NRXN3: variants seen among roughly 807,000 people sequenced by gnomAD.
NRXN3 encodes neurexin 3, also known as neurexin III.
A neutral mutation model predicts 137.6 loss-of-function variants in NRXN3; 32 were observed. The observed-to-expected ratio is 0.23, with a 90% confidence interval of 0.18 to 0.31. The LOEUF (loss-of-function observed/expected upper bound fraction) is 0.31, where lower values mean the gene tolerates loss of function less well. NRXN3 is among the 10% of genes least tolerant of loss of function. The pLI is 1.00. For synonymous variants in NRXN3, 798 were observed against 784.5 expected, an observed-to-expected ratio of 1.02 and a Z score of -0.29; for missense variants, 1,574 against 2,062.5, an observed-to-expected ratio of 0.76 and a Z score of 4.59.
chr14:79,149,243 G>A (rs375287153), intron 15 of NRXN3, among the ~76,000 whole-genome samples: 121 of 152,042 alleles, frequency 8.0e-4, no homozygotes, highest in Non-Finnish European at 1.5e-3. Flanking sequence ...AGATCTTCAC[G>A]TTGAAACCCA....
chr14:79,856,119 T>C (rs2099401952), intron 20 of NRXN3, among the ~76,000 whole-genome samples: 1 of 151,860 alleles, frequency 6.6e-6, no homozygotes, highest in African/African-American at 2.4e-5. Context: ...TTTGCTGGGG[T>C]GGAAGGGTGG....
chr14:78,536,356 C>T (rs914783276), intron 4 of NRXN3, among the ~76,000 whole-genome samples: 4 of 152,196 alleles, frequency 2.6e-5, no homozygotes, highest in African/African-American at 7.2e-5. Context: ...ATCCCCGCAT[C>T]ACGTTCCTAA....
chr14:79,541,934 G>A lies in NRXN3; in HGVS notation c.3444+74532G>A, dbSNP rs181612768. On this transcript the variant is annotated intron_variant, in intron 16 of 20. Coordinates refer to ENST00000335750, the MANE Select transcript of NRXN3 (RefSeq NM_001330195.2). ...AGAAAGCCTAGTTCACTTTAGATTA[G>A]ATGCTGTCAGAAAGCAGAGGCAATT... 5.9e-5 allele frequency among the ~76,000 whole-genome samples: 9 copies of A among 152,302 alleles called. No individual in the cohort carries two copies. In the South Asian group the frequency reaches 1.7e-3, roughly 28 times the overall value.
chr14:79,467,835 G>A (rs908214496), intron 16 of NRXN3, among the ~76,000 whole-genome samples: 6 of 152,210 alleles, frequency 3.9e-5, no homozygotes, highest in African/African-American at 1.2e-4. Flanking sequence ...TTGCAGGTCA[G>A]ATAGTCTCTC....
intron 16 of NRXN3, among the ~76,000 whole-genome samples, chr14:79,580,042 A>C (rs568095371): frequency 6.6e-5 from 10 of 152,310 alleles, no homozygotes; most frequent in Admixed American, 5.9e-4. Flanking sequence ...AGAACGTGTG[A>C]AATGTGTCAT....
chr14:79,669,227 A>G (rs2098592165), intron 17 of NRXN3: 1 of 152,162 alleles, frequency 6.6e-6, no homozygotes, highest in South Asian at 2.1e-4. Context: ...AGAGGGAATA[A>G]GAAGTATAAA....
intron 17 of NRXN3, among the ~76,000 whole-genome samples, chr14:79,665,321 G>T (rs2098552843): frequency 6.6e-6 from 1 of 152,132 alleles, no homozygotes; most frequent in African/African-American, 2.4e-5. Flanking sequence ...CTCAGCCATT[G>T]CTAGGGGTCT....
intron 8 of NRXN3, among the ~76,000 whole-genome samples, chr14:78,724,693 C>T (rs1162027517): frequency 6.6e-6 from 1 of 152,172 alleles, no homozygotes; most frequent in East Asian, 1.9e-4. Flanking sequence ...GCCGTTATAG[C>T]AAAGCCATTT....
At chr14:78,779,356 G>A (rs2098760213) in intron 8 of NRXN3, among the ~76,000 whole-genome samples, 1 of 152,042 alleles carries the variant, frequency 6.6e-6, no homozygotes, top group Non-Finnish European at 1.5e-5. Context: ...TTAGATTGGA[G>A]TAGGACATTT....
chr14:79,499,525 A>C (rs1327471405), intron 16 of NRXN3, among the ~76,000 whole-genome samples: 1 of 152,172 alleles, frequency 6.6e-6, no homozygotes, highest in Non-Finnish European at 1.5e-5. Context: ...TTACATGTTT[A>C]ATATCTGCCT....
intron 4 of NRXN3, among the ~76,000 whole-genome samples, chr14:78,574,821 G>A (rs1294513146): frequency 6.6e-6 from 1 of 152,224 alleles, no homozygotes; most frequent in Non-Finnish European, 1.5e-5. Context: ...TTTTTGAAAT[G>A]TGAGGATTAA....
chr14:79,571,069 T>C (rs1244166778), intron 16 of NRXN3, among the ~76,000 whole-genome samples: 1 of 152,200 alleles, frequency 6.6e-6, no homozygotes, highest in Non-Finnish European at 1.5e-5. Context: ...ATTCAGTCTA[T>C]GACAATCCTC....
At chr14:78,564,146 G>T (rs1249448846) in intron 4 of NRXN3, among the ~76,000 whole-genome samples, 1 of 152,158 alleles carries the variant, frequency 6.6e-6, no homozygotes, top group Non-Finnish European at 1.5e-5. Context: ...CTAGTGAATA[G>T]CAATTTCTCC....
chr14:79,855,812 G>A (rs980008), intron 20 of NRXN3, among the ~76,000 whole-genome samples: 134,984 of 152,124 alleles, frequency 0.89, 59,978 homozygotes, highest in East Asian at 1. Flanking sequence ...AAAAATACTT[G>A]ATATGCATTA....
intron 4 of NRXN3, among the ~76,000 whole-genome samples, chr14:78,434,484 GCAT>G (rs1423356108): frequency 2.6e-5 from 4 of 152,160 alleles, no homozygotes; most frequent in Non-Finnish European, 4.4e-5. Context: ...TAAGGACACA[GCAT>G]CCTGAGATAC....
intron 15 of NRXN3, among the ~76,000 whole-genome samples, chr14:79,261,565 GGTGA>G (rs891780273): frequency 1.4e-5 from 2 of 138,116 alleles, no homozygotes; most frequent in African/African-American, 2.6e-5. Context: ...CTGGGAAAAT[GGTGA>G]GTGAGATGAA....
chr14:78,574,628 A>C (rs892518029), intron 4 of NRXN3, among the ~76,000 whole-genome samples: 45 of 152,216 alleles, frequency 3.0e-4, no homozygotes, highest in African/African-American at 1.1e-3. Context: ...CATGTGGAAT[A>C]GGTGTATTCA....
chr14:78,698,018 G>T (rs889954605), intron 6 of NRXN3: 18 of 151,996 alleles, frequency 1.2e-4, no homozygotes, highest in African/African-American at 4.4e-4. Context: ...ATCTCCTTTG[G>T]CGGTTGTTGA....
At chr14:78,588,936 AAAAAC>A (rs2097092092) in intron 4 of NRXN3, among the ~76,000 whole-genome samples, 1 of 152,214 alleles carries the variant, frequency 6.6e-6, no homozygotes, top group African/African-American at 2.4e-5. Flanking sequence ...AGGGAAAGAC[AAAAAC>A]ACTCAACGAC....
Sources: gnomAD v4.1 joint callset for allele counts (sites outside exome capture counted in the v4.1 genomes callset) on GRCh38, gnomAD v4.1.1 for gene constraint, MANE v1.5 for transcripts, NCBI Gene and HGNC (gene_info 2026-07-23, HGNC 2026-07-21) for gene names.